BNC2: variants seen among roughly 807,000 people sequenced by gnomAD.
The protein encoded by BNC2 is zinc finger protein basonuclin-2.
A neutral mutation model predicts 76.3 loss-of-function variants in BNC2; 20 were observed. That is an observed-to-expected ratio of 0.26 (90% CI 0.18 to 0.38). BNC2 has a LOEUF of 0.38. Ranked by LOEUF, BNC2 falls within the 10% of genes least tolerant of loss-of-function variation. The pLI is 1.00. For synonymous variants in BNC2, 582 were observed against 514.8 expected, an observed-to-expected ratio of 1.13 and a Z score of -1.77; for missense variants, 1,382 against 1,399.8, an observed-to-expected ratio of 0.99 and a Z score of 0.20.
chr9:16,419,563 C>G lies in BNC2; in HGVS notation c.2726G>C (p.Ser909Thr), dbSNP rs1459130413. The change falls in exon 7 of 7, where the codon AGC (serine) becomes ACC (threonine). Residue 909 changes from serine to threonine, a missense_variant. By Grantham distance (58) the Ser-to-Thr change is moderately conservative. Around this residue, in one of 3 missense-constraint regions of BNC2, gnomAD observed 798 missense variants for 775.5 expected, o/e 1.03. Coordinates refer to ENST00000380672, the MANE Select transcript of BNC2 (RefSeq NM_017637.6). ...MGLDSSQPSLSKDLRDEFLVK... is the reference protein window; with the variant it reads ...MGLDSSQPSLTKDLRDEFLVK... ...CAAAAATTCATCGCGGAGGTCCTTGCTAAGGGAGGGCTGCGACGAGTCCAG... is the reference window on the plus strand; with the variant it reads ...CAAAAATTCATCGCGGAGGTCCTTGGTAAGGGAGGGCTGCGACGAGTCCAG... 3 of 1,613,272 alleles carry G rather than the reference C, an allele frequency of 1.9e-6. No homozygotes were observed. The highest frequency in any genetic ancestry group is 2.5e-6 in the Non-Finnish European group (3 of 1,179,926).
At chr9:16,555,031 A>ATTTTTTTTTT (rs1554672407) in intron 4 of BNC2, among the ~76,000 whole-genome samples, 15 of 151,386 alleles carry the variant, frequency 9.9e-5, no homozygotes, top group African/African-American at 3.7e-4. Flanking sequence ...ATTTTGTATT[A>ATTTTTTTTTT]TTTTTTAAGA....
At chr9:16,857,552 C>T (rs1336995657) in intron 1 of BNC2, among the ~76,000 whole-genome samples, 6 of 149,366 alleles carry the variant, frequency 4.0e-5, no homozygotes, top group Non-Finnish European at 8.9e-5. Flanking sequence ...ATTGTTTCCC[C>T]TAGGGAAAAA....
intron 1 of BNC2, among the ~76,000 whole-genome samples, chr9:16,831,389 G>T (rs920882977): frequency 6.6e-6 from 1 of 152,156 alleles, no homozygotes; most frequent in Admixed American, 6.5e-5. Context: ...AAGAGTTCAC[G>T]TATATTCAAA....
intron 5 of BNC2, among the ~76,000 whole-genome samples, chr9:16,519,479 G>A (rs986170070): frequency 5.9e-5 from 9 of 152,102 alleles, no homozygotes; most frequent in Non-Finnish European, 1.0e-4. Context: ...CTCACTTCTG[G>A]GAGAGTTTCT....
chr9:16,447,018 T>G lies in BNC2; in HGVS notation c.670-9494A>C, dbSNP rs527458982. ...AATTACTTTCTGCAATGTCTGGAATTGGACTTCAAAGATTCCAAAGTATTT... is the reference window on the plus strand; with the variant it reads ...AATTACTTTCTGCAATGTCTGGAATGGGACTTCAAAGATTCCAAAGTATTT... On this transcript the variant is annotated intron_variant, in intron 5 of 6. Transcript: ENST00000380672. Among the ~76,000 whole-genome samples, 4 of 152,298 alleles carry G rather than the reference T, an allele frequency of 2.6e-5. 1 individual carries two copies. In the South Asian group the frequency reaches 8.3e-4, roughly 32 times the overall value.
intron 1 of BNC2, among the ~76,000 whole-genome samples, chr9:16,750,333 C>T (rs1468150546): frequency 2.0e-5 from 3 of 152,158 alleles, no homozygotes; most frequent in African/African-American, 7.2e-5. Context: ...AATGGCTGAA[C>T]ACTAAAATTA....
chr9:16,501,191 C>T lies in BNC2; in HGVS notation c.669+51339G>A, dbSNP rs139428214. 7.9e-5 allele frequency among the ~76,000 whole-genome samples: 12 copies of T among 152,246 alleles called. No homozygotes were observed. In the East Asian group the frequency reaches 2.1e-3, roughly 27 times the overall value. On this transcript the variant is annotated intron_variant, in intron 5 of 6. Coordinates refer to ENST00000380672, the MANE Select transcript of BNC2 (RefSeq NM_017637.6). Reference sequence around the variant, plus strand: ...AAAATTATATATGTGCTCTCTAATGCTATTATGATTGTACAATAACAGAAA... The same window carrying T: ...AAAATTATATATGTGCTCTCTAATGTTATTATGATTGTACAATAACAGAAA...
intron 1 of BNC2, among the ~76,000 whole-genome samples, chr9:16,835,334 C>T (rs1217450171): frequency 6.6e-6 from 1 of 152,002 alleles, no homozygotes; most frequent in Admixed American, 6.6e-5. Context: ...CCACTACAAC[C>T]CCATGAGTTA....
chr9:16,724,909 T>C (rs1279883476), intron 3 of BNC2, among the ~76,000 whole-genome samples: 7 of 152,106 alleles, frequency 4.6e-5, no homozygotes, highest in Non-Finnish European at 1.0e-4. Flanking sequence ...TTTTCAAACG[T>C]CTAAATAAAT....
intron 1 of BNC2, among the ~76,000 whole-genome samples, chr9:16,863,456 A>G (rs1819463346): frequency 6.6e-6 from 1 of 152,108 alleles, no homozygotes; most frequent in Admixed American, 6.5e-5. Context: ...GCACTTTGGG[A>G]GGCCGAGGCC....
At chr9:16,694,564 G>A (rs1238301767) in intron 3 of BNC2, among the ~76,000 whole-genome samples, 2 of 152,114 alleles carry the variant, frequency 1.3e-5, no homozygotes, top group East Asian at 1.9e-4. Context: ...GAGGAATTCC[G>A]GCTGCTCTAA....
intron 3 of BNC2, among the ~76,000 whole-genome samples, chr9:16,667,101 A>ACG (rs1554703004): frequency 2.7e-5 from 4 of 148,770 alleles, no homozygotes; most frequent in African/African-American, 1.0e-4. Context: ...ACACACACAC[A>ACG]CACACACGCA....
chr9:16,639,734 C>T (rs973661045), intron 3 of BNC2, among the ~76,000 whole-genome samples: 1 of 152,066 alleles, frequency 6.6e-6, no homozygotes, highest in Non-Finnish European at 1.5e-5. Flanking sequence ...CTCGGCAACA[C>T]AGCAAGACCT....
intron 1 of BNC2, among the ~76,000 whole-genome samples, chr9:16,853,914 G>A (rs1472276986): frequency 6.6e-6 from 1 of 152,156 alleles, no homozygotes; most frequent in Non-Finnish European, 1.5e-5. Context: ...AGCTCTGCGG[G>A]TTTAAATAAT....
At chr9:16,552,944 G>A (rs1029007156) in intron 4 of BNC2, among the ~76,000 whole-genome samples, 179 bp from the exon 5 acceptor site, 2 of 152,122 alleles carry the variant, frequency 1.3e-5, no homozygotes, top group South Asian at 2.1e-4. Flanking sequence ...CCTCCTTTCT[G>A]TTTTACCCCT....
Position 16,691,562 on chromosome 9 carries a change from C to T in BNC2, c.330+36235G>A, listed in dbSNP as rs868329895. On this transcript the variant is annotated intron_variant, in intron 3 of 6. Transcript: ENST00000380672. ...TCTCATTCTGTCACCCAGGCTGGAACGCAGTGGTGCGATCTTGGCTCACTG... is the reference window on the plus strand; with the variant it reads ...TCTCATTCTGTCACCCAGGCTGGAATGCAGTGGTGCGATCTTGGCTCACTG... Among the ~76,000 whole-genome samples, 11 of 134,794 alleles carry T rather than the reference C, an allele frequency of 8.2e-5. No individual in the cohort carries two copies. In the South Asian group the frequency reaches 2.7e-3, roughly 33 times the overall value. The allele number at this position is 134,794 out of a possible 152,430, so 88.4% of individuals were successfully genotyped here.
rs183551262 is a variant in BNC2, at chr9:16,437,129, G to A, written c.1065C>T (p.Pro355=). Reference sequence around the variant, plus strand: ...TATATTCATTCTGAGTTGAAAGGCTGGGTTCCCGCAGCCTCAACCCTGGTT... The same window carrying A: ...TATATTCATTCTGAGTTGAAAGGCTAGGTTCCCGCAGCCTCAACCCTGGTT... ...LEQPGLRLRE[P]SLSTQNEYNE... The change falls in exon 6 of 7, where the codon CCC becomes CCT. Residue 355 remains proline, a synonymous_variant. Coordinates refer to ENST00000380672, the MANE Select transcript of BNC2 (RefSeq NM_017637.6). The A allele has an allele frequency of 1.9e-6, 3 of 1,614,112 alleles. No individual in the cohort carries two copies. In the Admixed American group the frequency reaches 5.0e-5, roughly 27 times the overall value.
At chr9:16,761,846 A>G (rs1020747532) in intron 1 of BNC2, among the ~76,000 whole-genome samples, 2 of 152,220 alleles carry the variant, frequency 1.3e-5, no homozygotes, top group African/African-American at 4.8e-5. Context: ...TTGAGGAATT[A>G]GTGCTCTGTA....
intron 1 of BNC2, among the ~76,000 whole-genome samples, chr9:16,867,038 T>C (rs144792525): frequency 2.0e-5 from 3 of 152,298 alleles, no homozygotes; most frequent in African/African-American, 7.2e-5. Context: ...CTAAGCTTTA[T>C]GTACAGAATT....
Sources: allele counts gnomAD v4.1 joint callset (sites outside exome capture counted in the v4.1 genomes callset), GRCh38; gene constraint gnomAD v4.1.1; regional missense constraint gnomAD v4.1.1; transcripts MANE v1.5; gene names NCBI Gene and HGNC (gene_info 2026-07-23, HGNC 2026-07-21).